PPP2R1A: variants seen among roughly 807,000 people sequenced by gnomAD.
PPP2R1A encodes protein phosphatase 2 scaffold subunit Aalpha.
In PPP2R1A, 15 loss-of-function variants were observed where a neutral mutation model predicts 67.1. The ratio of observed to expected loss-of-function variants is 0.22; its 90% CI spans 0.15 to 0.34. PPP2R1A has a LOEUF of 0.34. Ranked by LOEUF, PPP2R1A falls within the 10% of genes least tolerant of loss-of-function variation. PPP2R1A has a pLI of 1.00. For synonymous variants in PPP2R1A, 337 were observed against 325.0 expected, an observed-to-expected ratio of 1.04 and a Z score of -0.40; for missense variants, 369 against 775.0, an observed-to-expected ratio of 0.48 and a Z score of 6.22.
chr19:52,224,416 T>G (rs566981622), intron 13 of PPP2R1A, among the ~76,000 whole-genome samples: 7 of 152,266 alleles, frequency 4.6e-5, no homozygotes, highest in African/African-American at 1.7e-4. Context: ...CACTTACCAC[T>G]CCCCTCTTAC....
chr19:52,221,196 A>C (rs548901453), intron 12 of PPP2R1A, 63 bp downstream of exon 12: 1 of 1,597,970 alleles, frequency 6.3e-7, no homozygotes, highest in African/African-American at 1.3e-5. Flanking sequence ...GAGAGGAGGG[A>C]TGCTAGAGGG....
rs2089664464 is a variant in PPP2R1A at position 52,211,081 on chromosome 19, C to T, written c.271-179C>T. Among the ~76,000 whole-genome samples, 1 of 152,188 alleles carries T rather than the reference C, an allele frequency of 6.6e-6. No individual in the cohort carries two copies. Among genetic ancestry groups the T allele is most frequent in the Non-Finnish European group, 1.5e-5 (1 of 68,040 alleles). ...CCTTCTGCTGGCTGGCATAATATTA[C>T]GTTTTTCCTTTGAGTCATTCATTGC... On this transcript the variant is annotated intron_variant, in intron 3 of 14. Coordinates refer to ENST00000322088, the MANE Select transcript of PPP2R1A (RefSeq NM_014225.6). The surrounding 1 kb of genome is among the most constrained non-coding windows in gnomAD (Gnocchi z 5.3).
rs1307339071 is a variant in PPP2R1A, at chr19:52,225,807, T to A, written c.1752T>A (p.Thr584=). 1.2e-6 allele frequency: 2 copies of A among 1,613,936 alleles called. No individual in the cohort carries two copies. The highest frequency in any genetic ancestry group is 2.2e-5 in the South Asian group (2 of 91,086). The change falls in exon 14 of 15, where the codon ACT becomes ACA. Residue 584 remains threonine, a splice_region_variant and synonymous_variant. Coordinates refer to ENST00000322088, the MANE Select transcript of PPP2R1A (RefSeq NM_014225.6). ...AATACTTTGCCCAGGAGGCTCTGAC[T>A]GGTAAGACCTAGAAAGCACGGAGCC... ...DVKYFAQEAL[T]VLSLA is the part of the protein sequence containing the mutation.
chr19:52,205,210 G>C (rs935459397), intron 2 of PPP2R1A, among the ~76,000 whole-genome samples: 2 of 152,228 alleles, frequency 1.3e-5, no homozygotes, highest in African/African-American at 4.8e-5. Flanking sequence ...CTTGTGCTGT[G>C]CAGAGATCAG....
In PPP2R1A at chr19:52,219,485, A is replaced by G. The variant is rs1489330814; in HGVS notation, c.1129-206A>G. Among the ~76,000 whole-genome samples, 1 of 152,184 alleles carries G rather than the reference A, an allele frequency of 6.6e-6. No homozygotes were observed. Among genetic ancestry groups the G allele is most frequent in the Non-Finnish European group, 1.5e-5 (1 of 68,030 alleles). On this transcript the variant is annotated intron_variant, in intron 9 of 14. Coordinates refer to ENST00000322088, the MANE Select transcript of PPP2R1A (RefSeq NM_014225.6). The surrounding 1 kb of genome is among the most constrained non-coding windows in gnomAD (Gnocchi z 4.0). ...AAACATTTCTTGTGATACTATTGTA[A>G]GGTTTAAAAATCTGCTTAAGTTAGT...
chr19:52,213,244 A>T lies in PPP2R1A; in HGVS notation c.807+134A>T. On this transcript the variant is annotated intron_variant, in intron 6 of 14. Coordinates refer to ENST00000322088, the MANE Select transcript of PPP2R1A (RefSeq NM_014225.6). This position sits in a 1 kb window ranked among gnomAD's most constrained non-coding sequence, Gnocchi z 4.2. ...TTTGAGCAATAAGATCTCTATGATC[A>T]TCTAACTGCGTCTCGCTTCGTGTGC... 1 of 1,153,106 alleles carries T rather than the reference A, an allele frequency of 8.7e-7. No individual in the cohort carries two copies. The highest frequency in any genetic ancestry group is 2.0e-4 in the Middle Eastern group (1 of 4,890). The allele number at this position is 1,153,106 out of a possible 1,614,324, so 71.4% of individuals were successfully genotyped here.
At chr19:52,199,976 A>G (rs547494736) in intron 1 of PPP2R1A, among the ~76,000 whole-genome samples, 1 of 152,366 alleles carries the variant, frequency 6.6e-6, no homozygotes, top group African/African-American at 2.4e-5. Flanking sequence ...AGGAGAGACC[A>G]TCACAACACT....
At chr19:52,199,983 C>G (rs1412686417) in intron 1 of PPP2R1A, among the ~76,000 whole-genome samples, 1 of 152,234 alleles carries the variant, frequency 6.6e-6, no homozygotes, top group Non-Finnish European at 1.5e-5. Context: ...ACCATCACAA[C>G]ACTTCATCAG....
Position 52,219,565 on chromosome 19 carries a change from T to C in PPP2R1A, c.1129-126T>C. 1 of 950,722 alleles carries C rather than the reference T, an allele frequency of 1.1e-6. No individual in the cohort carries two copies. Among genetic ancestry groups the C allele is most frequent in the South Asian group, 1.9e-5 (1 of 51,756 alleles). The allele number at this position is 950,722 out of a possible 1,614,324, so 58.9% of individuals were successfully genotyped here. On this transcript the variant is annotated intron_variant, in intron 9 of 14. Transcript: ENST00000322088. This position sits in a 1 kb window ranked among gnomAD's most constrained non-coding sequence, Gnocchi z 4.0. ...TTAATGTGTTCCCAGAACGGGGAGC[T>C]GGGCTTGGACAGGAGTAGTCCCTCG...
Position 52,211,581 on chromosome 19 carries a change from C to A in PPP2R1A, c.503+89C>A. 1 of 1,330,318 alleles carries A rather than the reference C, an allele frequency of 7.5e-7. No individual in the cohort carries two copies. Among genetic ancestry groups the A allele is most frequent in the Non-Finnish European group, 1.0e-6 (1 of 972,044 alleles). 82.4% of individuals were successfully genotyped at this position (1,330,318 alleles called of 1,614,324 possible). ...CAGACTCCTTTTGGTCTAGCTGGGG[C>A]CCAAATGCCCCTGAACTCTCTCCAC... On this transcript the variant is annotated intron_variant, in intron 4 of 14. Coordinates refer to ENST00000322088, the MANE Select transcript of PPP2R1A (RefSeq NM_014225.6). The surrounding 1 kb of genome is among the most constrained non-coding windows in gnomAD (Gnocchi z 5.3).
chr19:52,222,498 T>A, intron 13 of PPP2R1A: 1 of 382,406 alleles, frequency 2.6e-6, no homozygotes. Context: ...AATCACCTTA[T>A]GTTTTATATG....
chr19:52,220,555 A>G (rs528959024), intron 11 of PPP2R1A, among the ~76,000 whole-genome samples: 21 of 152,256 alleles, frequency 1.4e-4, no homozygotes, highest in Non-Finnish European at 2.8e-4. Flanking sequence ...GCTGTCTTTG[A>G]ATGAGCCCCA....
Position 52,213,505 on chromosome 19 carries a change from C to T in PPP2R1A, c.807+395C>T, listed in dbSNP as rs189666373. ...TTTTTTTTAAGATGGAGTCTGTCGC[C>T]CAGGCTAGAGTCTTGTTACCCAGCT... On this transcript the variant is annotated intron_variant, in intron 6 of 14. Coordinates refer to ENST00000322088, the MANE Select transcript of PPP2R1A (RefSeq NM_014225.6). The surrounding 1 kb of genome is among the most constrained non-coding windows in gnomAD (Gnocchi z 4.2). 3.9e-3 allele frequency among the ~76,000 whole-genome samples: 525 copies of T among 134,646 alleles called. 5 individuals are homozygous for T. The highest frequency in any genetic ancestry group is 3.4e-3 in the Non-Finnish European group (220 of 64,708). The allele number at this position is 134,646 out of a possible 152,430, so 88.3% of individuals were successfully genotyped here.
chr19:52,221,199 C>G, intron 12 of PPP2R1A, 66 bp downstream of exon 12: 1 of 1,592,026 alleles, frequency 6.3e-7, no homozygotes, highest in East Asian at 2.2e-5. Context: ...AGGAGGGATG[C>G]TAGAGGGTTC....
intron 1 of PPP2R1A, among the ~76,000 whole-genome samples, chr19:52,199,105 CAA>C (rs1022747764): frequency 2.0e-5 from 3 of 152,108 alleles, no homozygotes; most frequent in Non-Finnish European, 2.9e-5. Context: ...TTGGAGAAAA[CAA>C]AGAGGAAAGA....
At position 52,216,705 on chromosome 19, in the gene PPP2R1A, C is replaced by G. The variant is rs201290514; in HGVS notation, c.1128+42C>G. 7.4e-5 allele frequency: 119 copies of G among 1,613,752 alleles called. 1 individual carries two copies. In the East Asian group the frequency reaches 2.6e-3, roughly 35 times the overall value. The stretch of plus-strand genomic sequence containing the variant: ...CTCAGCTCTGGGTTTGTGGAGGGGA[C>G]AGGCGGGTCTTCCTAGATTGCTAGG... On this transcript the variant is annotated intron_variant, in intron 9 of 14. Transcript: ENST00000322088. This position sits in a 1 kb window ranked among gnomAD's most constrained non-coding sequence, Gnocchi z 4.3.
At position 52,212,499 on chromosome 19, in the gene PPP2R1A, A is replaced by G. The variant is rs151130985; in HGVS notation, c.504-187A>G. The G allele has an allele frequency of 1.6e-6, 1 of 633,624 alleles. No individual in the cohort carries two copies. Among genetic ancestry groups the G allele is most frequent in the Non-Finnish European group, 2.7e-6 (1 of 372,040 alleles). 39.3% of individuals were successfully genotyped at this position (633,624 alleles called of 1,614,324 possible). A position where few individuals can be genotyped will look rare whatever the true frequency, so the allele number is the denominator to read the frequency against. On this transcript the variant is annotated intron_variant, in intron 4 of 14. Transcript: ENST00000322088. This position sits in a 1 kb window ranked among gnomAD's most constrained non-coding sequence, Gnocchi z 4.1. ...CACACACTATTTTCATTTAAACCTC[A>G]TGCGGACCTGTGGGGTAGGTACTGT...
chr19:52,207,636 T>A (rs2089618037), intron 3 of PPP2R1A, among the ~76,000 whole-genome samples: 1 of 152,150 alleles, frequency 6.6e-6, no homozygotes. Flanking sequence ...AAGAGTTAGA[T>A]CAGAATAGCT....
chr19:52,212,293 C>T lies in PPP2R1A; in HGVS notation c.504-393C>T, dbSNP rs774670022. Among the ~76,000 whole-genome samples, 1 of 152,154 alleles carries T rather than the reference C, an allele frequency of 6.6e-6. No individual in the cohort carries two copies. The highest frequency in any genetic ancestry group is 1.5e-5 in the Non-Finnish European group (1 of 68,034). The stretch of plus-strand genomic sequence containing the variant: ...AGAGATGGGGTCTCACTATGTTGCT[C>T]AGGCTGGTCTTGAACTCCTGGGCTC... On this transcript the variant is annotated intron_variant, in intron 4 of 14. Coordinates refer to ENST00000322088, the MANE Select transcript of PPP2R1A (RefSeq NM_014225.6). The surrounding 1 kb of genome is among the most constrained non-coding windows in gnomAD (Gnocchi z 4.1).
Sources: gnomAD v4.1 joint callset for allele counts (sites outside exome capture counted in the v4.1 genomes callset) on GRCh38, gnomAD v4.1.1 for gene constraint, Gnocchi (gnomAD v3.1) non-coding constraint, MANE v1.5 for transcripts, NCBI Gene and HGNC (gene_info 2026-07-23, HGNC 2026-07-21) for gene names.